The following ADGRL3 variants were observed in gnomAD, a reference collection of about 807,000 sequenced individuals.
The protein encoded by ADGRL3 is adhesion G protein-coupled receptor L3, also known as calcium-independent alpha-latrotoxin receptor 3.
In ADGRL3, 62 loss-of-function variants were observed where a neutral mutation model predicts 153.5. The ratio of observed to expected loss-of-function variants is 0.40; its 90% CI spans 0.33 to 0.50. The LOEUF is 0.50. Ranked by LOEUF, ADGRL3 falls within the 20% of genes least tolerant of loss-of-function variation. ADGRL3 has a pLI of 0.47. For synonymous variants in ADGRL3, 710 were observed against 672.5 expected (o/e 1.06, Z -0.86); for missense variants, 1,641 against 1,859.4 (o/e 0.88, Z 2.16).
chr4:61,469,994 G>T (rs552333047), intron 2 of ADGRL3, among the ~76,000 whole-genome samples: 1 of 151,414 alleles, frequency 6.6e-6, no homozygotes, highest in East Asian at 1.9e-4. Flanking sequence ...TCTATCAGCC[G>T]GATGCTTTAT....
chr4:61,938,678 C>T (rs1298767357), intron 15 of ADGRL3, among the ~76,000 whole-genome samples: 1 of 151,966 alleles, frequency 6.6e-6, no homozygotes, highest in African/African-American at 2.4e-5. Context: ...TTCTTTGTGT[C>T]ACTAGCTCCT....
At chr4:61,454,580 T>C (rs879569822) in intron 2 of ADGRL3, among the ~76,000 whole-genome samples, 4 of 152,120 alleles carry the variant, frequency 2.6e-5, no homozygotes, top group Non-Finnish European at 5.9e-5. Flanking sequence ...ATTGAGCTTC[T>C]TCTGAGTTTT....
chr4:61,856,751 T>C (rs2098272307), intron 9 of ADGRL3, among the ~76,000 whole-genome samples: 2 of 150,686 alleles, frequency 1.3e-5, no homozygotes, highest in African/African-American at 4.9e-5. Flanking sequence ...TGAACAGGCA[T>C]GTGCCACTAC....
At chr4:61,890,938 T>C (rs1048375417) in intron 9 of ADGRL3, among the ~76,000 whole-genome samples, 25 of 132,824 alleles carry the variant, frequency 1.9e-4, no homozygotes, top group African/African-American at 7.1e-4. Context: ...AAACATTTGA[T>C]TTATTATATA....
chr4:61,359,326 G>C (rs942618072), intron 1 of ADGRL3, among the ~76,000 whole-genome samples: 2 of 152,158 alleles, frequency 1.3e-5, no homozygotes, highest in East Asian at 3.9e-4. Flanking sequence ...CCTCTGCTCA[G>C]AATCTTATAG....
In ADGRL3 at chr4:61,742,182, T is replaced by C. The variant is rs190276841; in HGVS notation, c.1399+8628T>C. Among the ~76,000 whole-genome samples, 362 of 152,324 alleles carry C rather than the reference T, an allele frequency of 2.4e-3. 3 individuals are homozygous for C. Among genetic ancestry groups the C allele is most frequent in the African/African-American group, 8.0e-3 (332 of 41,566 alleles). On this transcript the variant is annotated intron_variant, in intron 8 of 26. Coordinates refer to ENST00000683033, the MANE Select transcript of ADGRL3 (RefSeq NM_001387552.1). ...TTAGCACAGATAAGTGAGAGTTGACTCTATTACGTAATAGCTGTTAGAATA... is the reference window on the plus strand; with the variant it reads ...TTAGCACAGATAAGTGAGAGTTGACCCTATTACGTAATAGCTGTTAGAATA...
chr4:61,521,566 A>G (rs2098531211), intron 4 of ADGRL3, among the ~76,000 whole-genome samples: 3 of 152,178 alleles, frequency 2.0e-5, no homozygotes, highest in Admixed American at 2.0e-4. Context: ...ATGCAGATAG[A>G]TAAGAAATAG....
intron 1 of ADGRL3, among the ~76,000 whole-genome samples, chr4:61,227,283 G>A: frequency 6.6e-6 from 1 of 151,966 alleles, no homozygotes; most frequent in East Asian, 1.9e-4. Context: ...ATGGCTCATG[G>A]CAGTCTCAAC....
chr4:62,006,003 C>CACACACACACATAT (rs1230956055), intron 21 of ADGRL3, among the ~76,000 whole-genome samples: 24 of 48,978 alleles, frequency 4.9e-4, no homozygotes, highest in East Asian at 9.0e-4. Flanking sequence ...CACACACACA[C>CACACACACACATAT]ATATATATAT....
chr4:61,848,557 C>T (rs1300718342), intron 9 of ADGRL3, among the ~76,000 whole-genome samples: 1 of 151,980 alleles, frequency 6.6e-6, no homozygotes. Context: ...CTACGAAGAC[C>T]ATATTTCCAA....
rs1019121295 is a variant in ADGRL3 at position 61,746,562 on chromosome 4, A to G, written c.1399+13008A>G. On this transcript the variant is annotated intron_variant, in intron 8 of 26. Coordinates refer to ENST00000683033, the MANE Select transcript of ADGRL3 (RefSeq NM_001387552.1). ...CTCAGGATTAAGAAACTCACTCAAA[A>G]CCACTCAACTACATGGAAACTGAAC... Among the ~76,000 whole-genome samples, 171 of 152,244 alleles carry G rather than the reference A, an allele frequency of 1.1e-3. 1 individual carries two copies. The Middle Eastern group carries it at 0.017, about 15-fold the overall frequency.
rs141995552 is a variant in ADGRL3 at position 61,374,959 on chromosome 4, A to G, written c.-239-8165A>G. 1.2e-4 allele frequency among the ~76,000 whole-genome samples: 18 copies of G among 152,202 alleles called. 1 individual carries two copies. The highest frequency in any genetic ancestry group is 4.3e-4 in the African/African-American group (18 of 41,546). ...CTGGCTTGGCAATCCAAACTATTTT[A>G]AACCTCTGAGAACACTTCATTAGAT... On this transcript the variant is annotated intron_variant, in intron 1 of 26. Transcript: ENST00000683033.
At chr4:61,265,160 G>A (rs1433256184) in intron 1 of ADGRL3, among the ~76,000 whole-genome samples, 6 of 151,880 alleles carry the variant, frequency 4.0e-5, no homozygotes, top group African/African-American at 4.8e-5. Context: ...GCTGATTTTC[G>A]TTAATTGTAT....
chr4:62,065,867 A>C (rs1403131906), intron 25 of ADGRL3, among the ~76,000 whole-genome samples: 8 of 152,040 alleles, frequency 5.3e-5, no homozygotes, highest in Non-Finnish European at 8.8e-5. Flanking sequence ...TAAGAATTTT[A>C]AATAATACTG....
At chr4:61,228,015 G>C (rs1406295130) in intron 1 of ADGRL3, among the ~76,000 whole-genome samples, 1 of 152,170 alleles carries the variant, frequency 6.6e-6, no homozygotes, top group African/African-American at 2.4e-5. Context: ...CATAACTGTA[G>C]TCCACTTATG....
intron 1 of ADGRL3, among the ~76,000 whole-genome samples, chr4:61,252,136 G>A (rs1759540369): frequency 6.6e-6 from 1 of 152,090 alleles, no homozygotes; most frequent in African/African-American, 2.4e-5. Flanking sequence ...ACCCACCTCA[G>A]CCTCCCAAAG....
At chr4:61,272,295 C>CA (rs892506249) in intron 1 of ADGRL3, among the ~76,000 whole-genome samples, 15 of 150,338 alleles carry the variant, frequency 1.0e-4, no homozygotes, top group African/African-American at 3.2e-4. Flanking sequence ...ATTTTCATGA[C>CA]AAAAAAATCA....
chr4:61,677,943 A>C (rs2095247286), intron 6 of ADGRL3, among the ~76,000 whole-genome samples: 1 of 152,022 alleles, frequency 6.6e-6, no homozygotes, highest in African/African-American at 2.4e-5. Context: ...TAGTGAAAAC[A>C]ATTCAGAGAA....
chr4:61,974,697 A>G (rs1414808660), intron 17 of ADGRL3, among the ~76,000 whole-genome samples: 1 of 152,212 alleles, frequency 6.6e-6, no homozygotes, highest in Admixed American at 6.5e-5. Flanking sequence ...ACAAGATTAA[A>G]TTCAAGGCTT....
Sources: gnomAD v4.1 joint callset for allele counts (sites outside exome capture counted in the v4.1 genomes callset) on GRCh38, gnomAD v4.1.1 for gene constraint, MANE v1.5 for transcripts, NCBI Gene and HGNC (gene_info 2026-07-23, HGNC 2026-07-21) for gene names.